The following SLC6A6 variants were observed in gnomAD, a reference collection of about 807,000 sequenced individuals.
SLC6A6 encodes sodium- and chloride-dependent taurine transporter.
SLC6A6 carries 16 observed loss-of-function variants against 68.8 expected under a neutral mutation model. That is an observed-to-expected ratio of 0.23 (90% CI 0.16 to 0.35). SLC6A6 has a LOEUF of 0.35. Among genes scored for constraint, SLC6A6 ranks in the 10% least tolerant of loss-of-function variants. The probability of loss-of-function intolerance (pLI) is 1.00; values close to 1 mark genes in which losing one functional copy is unlikely to be tolerated. For synonymous variants in SLC6A6, 312 were observed against 315.4 expected (o/e 0.99, Z 0.12); for missense variants, 474 against 802.8 (o/e 0.59, Z 4.95).
intron 2 of SLC6A6, among the ~76,000 whole-genome samples, chr3:14,426,839 G>A (rs985681199): frequency 2.0e-5 from 3 of 152,066 alleles, no homozygotes; most frequent in Admixed American, 6.5e-5. Context: ...CTTCTGGGCC[G>A]GCTTCCCAGG....
intron 10 of SLC6A6, among the ~76,000 whole-genome samples, chr3:14,475,273 C>G (rs1700849446): frequency 6.6e-6 from 1 of 151,848 alleles, no homozygotes; most frequent in Admixed American, 6.6e-5. Flanking sequence ...CTCAGGTGAT[C>G]TGCCTGCCTT....
intron 6 of SLC6A6, among the ~76,000 whole-genome samples, chr3:14,462,210 G>A (rs978271726): frequency 1.3e-5 from 2 of 152,208 alleles, no homozygotes; most frequent in South Asian, 2.1e-4. Flanking sequence ...GCTTGTCCTC[G>A]GAGCAGCAGA....
intron 13 of SLC6A6, among the ~76,000 whole-genome samples, chr3:14,480,646 T>G (rs1700985918): frequency 6.6e-6 from 1 of 152,222 alleles, no homozygotes; most frequent in South Asian, 2.1e-4. Flanking sequence ...TCACCGACTC[T>G]GCTTTAGAAA....
At chr3:14,426,506 T>C (rs540882871) in intron 2 of SLC6A6, among the ~76,000 whole-genome samples, 1 of 152,298 alleles carries the variant, frequency 6.6e-6, no homozygotes, top group East Asian at 1.9e-4. Context: ...CCCATTAGAC[T>C]CTAAGATGCT....
chr3:14,466,581 G>A lies in SLC6A6; in HGVS notation c.798G>A (p.Thr266=), dbSNP rs745751032. ...TGGTGCTGCTGGTCCGAGGGCTGAC[G>A]CTGCCGGGCGCGGGCGCAGGCATCA... The part of the protein sequence containing the change: ...MLLVLLVRGL[T]LPGAGAGIKF... The change falls in exon 7 of 15, where the codon ACG becomes ACA. Residue 266 remains threonine (T), a synonymous_variant. Transcript: ENST00000622186. 5.0e-6 allele frequency: 8 copies of A among 1,613,554 alleles called. No individual in the cohort carries two copies. Among genetic ancestry groups the A allele is most frequent in the East Asian group, 4.5e-5 (2 of 44,864 alleles).
At position 14,468,629 on chromosome 3, in the gene SLC6A6, G is replaced by A. The variant is rs1700680823; in HGVS notation, c.1096+417G>A. Among the ~76,000 whole-genome samples the A allele has an allele frequency of 3.3e-5, 5 of 152,084 alleles. No individual in the cohort carries two copies. The highest frequency in any genetic ancestry group is 2.6e-4 in the Admixed American group (4 of 15,272). On this transcript the variant is annotated intron_variant, in intron 9 of 14. Coordinates refer to ENST00000622186, the MANE Select transcript of SLC6A6 (RefSeq NM_003043.6). The surrounding 1 kb of genome is among the most constrained non-coding windows in gnomAD (Gnocchi z 4.5). ...CTGTATTTTGCACTTTGCTCCCAGC[G>A]TGCTCCCTCTAAGCAGACGCATTCA...
At chr3:14,438,728 G>A (rs892255442) in intron 2 of SLC6A6, among the ~76,000 whole-genome samples, 1 of 152,164 alleles carries the variant, frequency 6.6e-6, no homozygotes, top group African/African-American at 2.4e-5. Context: ...GGAGAAGCAG[G>A]CAAAATAGGA....
At chr3:14,474,445 G>A (rs1326733091) in intron 10 of SLC6A6, among the ~76,000 whole-genome samples, 1 of 152,136 alleles carries the variant, frequency 6.6e-6, no homozygotes, top group African/African-American at 2.4e-5. Context: ...CAGACATTGC[G>A]CGGCCATCAC....
At chr3:14,415,713 C>A (rs186193869) in intron 1 of SLC6A6, among the ~76,000 whole-genome samples, 2 of 137,586 alleles carry the variant, frequency 1.5e-5, no homozygotes, top group Non-Finnish European at 3.4e-5. Flanking sequence ...GACAACAGAA[C>A]CCCCCCGCTC....
chr3:14,467,878 T>G lies in SLC6A6; in HGVS notation c.893T>G (p.Ile298Arg). 1 of 1,613,126 alleles carries G rather than the reference T, an allele frequency of 6.2e-7. No individual in the cohort carries two copies. Among genetic ancestry groups the G allele is most frequent in the Non-Finnish European group, 8.5e-7 (1 of 1,179,262 alleles). ...PQVWIDAGTQ[I>R]FFSYAICLGA... ...GTGTGGATTGACGCTGGGACTCAGA[T>G]ATTCTTCTCTTATGCCATCTGCCTG... The change falls in exon 8 of 15, where the codon ATA becomes AGA. Residue 298 changes from isoleucine to arginine, a missense_variant. Ile to Arg is a moderately conservative substitution (Grantham distance 97). This residue lies in a region of SLC6A6 where 280 missense variants were observed against 533.1 expected (regional missense o/e 0.53). Coordinates refer to ENST00000622186, the MANE Select transcript of SLC6A6 (RefSeq NM_003043.6).
intron 2 of SLC6A6, among the ~76,000 whole-genome samples, chr3:14,434,583 G>C (rs2124929087): frequency 6.6e-6 from 1 of 152,366 alleles, no homozygotes; most frequent in Non-Finnish European, 1.5e-5. Flanking sequence ...CTGAGATGCA[G>C]AGGGGAAGTG....
intron 2 of SLC6A6, among the ~76,000 whole-genome samples, chr3:14,430,636 C>T (rs1409683722): frequency 4.6e-5 from 7 of 152,170 alleles, no homozygotes; most frequent in South Asian, 2.1e-4. Flanking sequence ...TGCTGGAAGT[C>T]GCTGCCACCA....
intron 2 of SLC6A6, among the ~76,000 whole-genome samples, chr3:14,440,518 C>T (rs1194584740): frequency 1.3e-5 from 2 of 151,992 alleles, no homozygotes; most frequent in Admixed American, 1.3e-4. Context: ...GGTGAGGAGC[C>T]TGTGTTTTCT....
chr3:14,465,060 G>A (rs1190116812), intron 6 of SLC6A6, among the ~76,000 whole-genome samples: 1 of 152,216 alleles, frequency 6.6e-6, no homozygotes, highest in Admixed American at 6.5e-5. Flanking sequence ...GGCATGGTGA[G>A]GATGAAGTGG....
chr3:14,414,503 A>G (rs923628764), intron 1 of SLC6A6, among the ~76,000 whole-genome samples: 2 of 151,848 alleles, frequency 1.3e-5, no homozygotes, highest in African/African-American at 4.8e-5. Flanking sequence ...GGCTAGACAT[A>G]TGGACTTTAG....
chr3:14,406,652 G>A (rs1023205091), intron 1 of SLC6A6, among the ~76,000 whole-genome samples: 3 of 152,180 alleles, frequency 2.0e-5, no homozygotes, highest in Non-Finnish European at 4.4e-5. Flanking sequence ...GTCCTGGACA[G>A]GTCTGCGGAG....
At position 14,472,738 on chromosome 3, in the gene SLC6A6, C is replaced by T. The variant is rs914598418; in HGVS notation, c.1209+421C>T. ...GGCACAGGAGGACATGGCAGATGGG[C>T]GATTCGGAGAAGGGACCCACATTTC... On this transcript the variant is annotated intron_variant, in intron 10 of 14. Coordinates refer to ENST00000622186, the MANE Select transcript of SLC6A6 (RefSeq NM_003043.6). The surrounding 1 kb of genome is among the most constrained non-coding windows in gnomAD (Gnocchi z 4.5). Among the ~76,000 whole-genome samples the T allele has an allele frequency of 6.6e-6, 1 of 152,082 alleles. No individual in the cohort carries two copies. The highest frequency in any genetic ancestry group is 1.5e-5 in the Non-Finnish European group (1 of 68,010).
At chr3:14,458,933 C>G (rs945090832) in intron 6 of SLC6A6, among the ~76,000 whole-genome samples, 43 of 152,320 alleles carry the variant, frequency 2.8e-4, no homozygotes, top group Non-Finnish European at 4.7e-4. Flanking sequence ...ATAACTGATA[C>G]ATTAGCAATA....
At position 14,484,893 on chromosome 3, in the gene SLC6A6, G is replaced by A; in HGVS notation, c.1749G>A (p.Arg583=). ...LVRVKYLLTP[R]EPNRWAVERE... is the part of the protein sequence containing the mutation. The stretch of plus-strand genomic sequence containing the variant: ...GAGTCAAGTACCTGCTGACCCCAAG[G>A]GAACCCAACCGCTGGGCTGTGGAGC... Residue 583 remains arginine (R), a synonymous_variant, in exon 15 of 15, where the codon AGG becomes AGA. Transcript: ENST00000622186. The A allele has an allele frequency of 6.2e-7, 1 of 1,612,084 alleles. No homozygotes were observed. The highest frequency in any genetic ancestry group is 8.5e-7 in the Non-Finnish European group (1 of 1,180,002).
Sources: allele counts gnomAD v4.1 joint callset (sites outside exome capture counted in the v4.1 genomes callset), GRCh38; gene constraint gnomAD v4.1.1; regional missense constraint gnomAD v4.1.1; non-coding constraint Gnocchi (gnomAD v3.1); transcripts MANE v1.5; gene names NCBI Gene and HGNC (gene_info 2026-07-23, HGNC 2026-07-21).